The following MINPP1 variants were observed in gnomAD, a reference collection of about 807,000 sequenced individuals.
MINPP1 encodes multiple inositol-polyphosphate phosphatase 1.
Under a neutral mutation model 46.1 loss-of-function variants are expected in MINPP1, and 28 were observed. The ratio of observed to expected loss-of-function variants is 0.61; its 90% CI spans 0.45 to 0.83. The LOEUF (loss-of-function observed/expected upper bound fraction) is 0.83. Ranked by LOEUF, MINPP1 falls within the 40% of genes least tolerant of loss-of-function variation. MINPP1 has a pLI of 0.00. For synonymous variants in MINPP1, 268 were observed against 249.1 expected, an observed-to-expected ratio of 1.08 and a Z score of -0.72; for missense variants, 603 against 610.0, an observed-to-expected ratio of 0.99 and a Z score of 0.12.
intron 4 of MINPP1, among the ~76,000 whole-genome samples, chr10:87,522,978 A>T (rs1287415978): frequency 6.6e-6 from 1 of 152,206 alleles, no homozygotes; most frequent in Non-Finnish European, 1.5e-5. Context: ...CGTAGATTTC[A>T]TCTCAAGAAA....
At chr10:87,517,756 A>G (rs1025610322) in intron 3 of MINPP1, among the ~76,000 whole-genome samples, 1 of 152,114 alleles carries the variant, frequency 6.6e-6, no homozygotes, top group Admixed American at 6.6e-5. Context: ...TATGTCTGGT[A>G]GAATTATCGA....
chr10:87,516,583 C>G lies in MINPP1; in HGVS notation c.933+3362C>G, dbSNP rs1432338385. Among the ~76,000 whole-genome samples the G allele has an allele frequency of 1.9e-5, 2 of 104,396 alleles. 1 individual carries two copies. Among genetic ancestry groups the G allele is most frequent in the Admixed American group, 1.8e-4 (2 of 11,104 alleles). The allele number at this position is 104,396 out of a possible 152,430, so 68.5% of individuals were successfully genotyped here. A position where few individuals can be genotyped will look rare whatever the true frequency, so the allele number is the denominator to read the frequency against. ...CAAACCATCATAAGTTGCAGACTGC[C>G]CATGAAAGGTGTAGTGGGGCACAAA... On this transcript the variant is annotated intron_variant, in intron 3 of 4. Coordinates refer to ENST00000371996, the MANE Select transcript of MINPP1 (RefSeq NM_004897.5).
intron 3 of MINPP1, among the ~76,000 whole-genome samples, chr10:87,517,961 C>CTT (rs765109040): frequency 2.6e-4 from 36 of 137,188 alleles, no homozygotes; most frequent in South Asian, 4.8e-4. Context: ...TGCACCTGGC[C>CTT]TTTTTTTTTT....
intron 3 of MINPP1, among the ~76,000 whole-genome samples, chr10:87,520,573 T>C (rs892290796): frequency 3.9e-5 from 6 of 152,216 alleles, no homozygotes; most frequent in African/African-American, 1.4e-4. Flanking sequence ...AAAATTCTTA[T>C]ACATTTCTCA....
chr10:87,536,032 C>G (rs1228284054), intron 4 of MINPP1, among the ~76,000 whole-genome samples: 2 of 152,150 alleles, frequency 1.3e-5, no homozygotes, highest in Non-Finnish European at 2.9e-5. Flanking sequence ...ACTTAAACAT[C>G]TCTCTCCTTA....
intron 4 of MINPP1, among the ~76,000 whole-genome samples, chr10:87,527,091 T>G (rs1326408584): frequency 1.3e-5 from 2 of 152,214 alleles, no homozygotes; most frequent in Non-Finnish European, 2.9e-5. Context: ...AAAAAGTCAT[T>G]GGTAGCTTAA....
chr10:87,546,528 G>A (rs551968363), intron 4 of MINPP1: 29 of 152,322 alleles, frequency 1.9e-4, no homozygotes, highest in African/African-American at 6.7e-4. Flanking sequence ...TTATAGAACT[G>A]TGCTTTTCAC....
chr10:87,517,251 C>T (rs1851424231), intron 3 of MINPP1, among the ~76,000 whole-genome samples: 1 of 152,144 alleles, frequency 6.6e-6, no homozygotes, highest in Non-Finnish European at 1.5e-5. Context: ...ATGATCTTGA[C>T]CTGTTGTGTT....
intron 4 of MINPP1, among the ~76,000 whole-genome samples, chr10:87,529,115 G>A (rs1181445799): frequency 6.6e-6 from 1 of 152,104 alleles, no homozygotes; most frequent in Admixed American, 6.5e-5. Context: ...CTGCACATGA[G>A]TTGTGTCTCC....
chr10:87,505,588 C>T lies in MINPP1; in HGVS notation c.637+36C>T, dbSNP rs757407631. The T allele has an allele frequency of 1.9e-6, 3 of 1,572,316 alleles. No individual in the cohort carries two copies. Among genetic ancestry groups the T allele is most frequent in the Admixed American group, 1.8e-5 (1 of 56,834 alleles). ...GGGCGGCCCGTGTGCTGTCCCGGTC[C>T]TCCCACCCGCCCTGGATGCTCTCCC... On this transcript the variant is annotated intron_variant, in intron 1 of 4. Transcript: ENST00000371996. This position sits in a 1 kb window ranked among gnomAD's most constrained non-coding sequence, Gnocchi z 4.4.
intron 4 of MINPP1, among the ~76,000 whole-genome samples, chr10:87,538,261 A>G (rs1851766850): frequency 2.6e-5 from 4 of 152,088 alleles, no homozygotes; most frequent in Admixed American, 2.6e-4. Context: ...CCTGCTGTGA[A>G]TTCAGCCAGT....
chr10:87,549,717 G>A (rs1162512156), intron 4 of MINPP1, among the ~76,000 whole-genome samples: 1 of 152,136 alleles, frequency 6.6e-6, no homozygotes, highest in Non-Finnish European at 1.5e-5. Context: ...GTTAGACAGT[G>A]GAGGTGTTGC....
chr10:87,544,945 A>G (rs953824293), intron 4 of MINPP1, among the ~76,000 whole-genome samples: 1 of 152,210 alleles, frequency 6.6e-6, no homozygotes, highest in African/African-American at 2.4e-5. Flanking sequence ...AGATAAAGCA[A>G]AAAATACTTA....
chr10:87,513,155 A>C lies in MINPP1; in HGVS notation c.867A>C (p.Ser289=). The change falls in exon 3 of 5, where the codon TCA becomes TCC. Residue 289 remains serine (S), a synonymous_variant. Coordinates refer to ENST00000371996, the MANE Select transcript of MINPP1 (RefSeq NM_004897.5). ...TTCAAGTAGCCTTTTTCACCTGTTC[A>C]TTTGACCTGGCAATTAAAGGTGTTA... ...DLIQVAFFTC[S]FDLAIKGVKS... The C allele has an allele frequency of 6.2e-7, 1 of 1,613,656 alleles. No individual in the cohort carries two copies. Among genetic ancestry groups the C allele is most frequent in the Non-Finnish European group, 8.5e-7 (1 of 1,179,792 alleles).
At chr10:87,542,447 G>A (rs765608021) in intron 4 of MINPP1, among the ~76,000 whole-genome samples, 2 of 151,968 alleles carry the variant, frequency 1.3e-5, no homozygotes, top group Non-Finnish European at 2.9e-5. Context: ...CCTCAGGAGT[G>A]CACCACCATG....
chr10:87,551,295 CAG>C (rs1851959558), intron 4 of MINPP1, among the ~76,000 whole-genome samples: 1 of 149,426 alleles, frequency 6.7e-6, no homozygotes, highest in South Asian at 2.1e-4. Flanking sequence ...GGCAAAAAGT[CAG>C]ACAGTCATGT....
At chr10:87,520,544 A>G (rs1187723288) in intron 3 of MINPP1, among the ~76,000 whole-genome samples, 2 of 152,112 alleles carry the variant, frequency 1.3e-5, no homozygotes, top group Non-Finnish European at 2.9e-5. Context: ...CTCATTTTCT[A>G]TTTGACTTCT....
rs568866798 is a variant in MINPP1 at position 87,506,020 on chromosome 10, CTT to C, written c.637+482_637+483del. Among the ~76,000 whole-genome samples the C allele has an allele frequency of 2.4e-3, 341 of 142,864 alleles. 1 individual carries two copies. Among genetic ancestry groups the C allele is most frequent in the Admixed American group, 8.1e-3 (116 of 14,282 alleles). 93.7% of individuals were successfully genotyped at this position (142,864 alleles called of 152,430 possible). A position where few individuals can be genotyped will look rare whatever the true frequency, so the allele number is the denominator to read the frequency against. ...TTCCGATACTAGTTTTTCCTTCTTT[CTT>C]TTTTTTTTTTTTTAAACTCATCATC... On this transcript the variant is annotated intron_variant, in intron 1 of 4. Transcript: ENST00000371996.
At chr10:87,508,102 T>C in intron 1 of MINPP1, 2 of 1,515,288 alleles carry the variant, frequency 1.3e-6, no homozygotes, top group Non-Finnish European at 8.8e-7. Flanking sequence ...CTACAACACA[T>C]TTAATCTTCA....
Sources: gnomAD v4.1 joint callset for allele counts (sites outside exome capture counted in the v4.1 genomes callset) on GRCh38, gnomAD v4.1.1 for gene constraint, Gnocchi (gnomAD v3.1) non-coding constraint, MANE v1.5 for transcripts, NCBI Gene and HGNC (gene_info 2026-07-23, HGNC 2026-07-21) for gene names.